Variants in PACSIN2 observed in about 807,000 individuals in gnomAD.
PACSIN2 encodes protein kinase C and casein kinase substrate in neurons 2.
In PACSIN2, 25 loss-of-function variants were observed where a neutral mutation model predicts 63.8. The observed-to-expected ratio is 0.39, with a 90% CI of 0.29 to 0.55. The LOEUF is 0.55. Among genes scored for constraint, PACSIN2 ranks in the 20% least tolerant of loss-of-function variants. The pLI is 0.62. For synonymous variants in PACSIN2, 255 were observed against 256.2 expected (o/e 1.00, Z 0.05); for missense variants, 518 against 646.9 (o/e 0.80, Z 2.16).
chr22:42,966,457 A>T lies in PACSIN2; in HGVS notation c.-78+48564T>A, dbSNP rs535796685. Among the ~76,000 whole-genome samples the T allele has an allele frequency of 3.3e-5, 5 of 152,360 alleles. No homozygotes were observed. The South Asian group carries it at 1.0e-3, about 32-fold the overall frequency. On this transcript the variant is annotated intron_variant, in intron 1 of 10. Coordinates refer to ENST00000263246, the MANE Select transcript of PACSIN2 (RefSeq NM_001184970.3). ...AATGTCTAACATTCTCTATCAAAGA[A>T]GAAGGTCCCAGGACAAAGCAAAGCT... is the stretch of plus-strand genomic sequence containing the variant.
chr22:42,927,463 G>A (rs562285698), intron 1 of PACSIN2, among the ~76,000 whole-genome samples: 3 of 152,260 alleles, frequency 2.0e-5, no homozygotes, highest in East Asian at 1.9e-4. Flanking sequence ...TGGCCAGGCT[G>A]GTCTCAAACT....
chr22:43,013,535 C>A (rs1259922459), intron 1 of PACSIN2, among the ~76,000 whole-genome samples: 1 of 152,202 alleles, frequency 6.6e-6, no homozygotes, highest in Admixed American at 6.5e-5. Flanking sequence ...TGCAGGCAGG[C>A]TCATGAATCA....
intron 8 of PACSIN2, 50 bp from the exon 9 acceptor site, chr22:42,877,060 G>A (rs1202277916): frequency 1.2e-6 from 2 of 1,604,838 alleles, no homozygotes; most frequent in Non-Finnish European, 1.7e-6. Context: ...AGGGGCCCGT[G>A]AGGGTCCTGG....
At chr22:42,989,906 G>GTA (rs1922909517) in intron 1 of PACSIN2, among the ~76,000 whole-genome samples, 1 of 146,582 alleles carries the variant, frequency 6.8e-6, no homozygotes, top group South Asian at 2.1e-4. Context: ...ACACATATAT[G>GTA]TATATATATG....
chr22:42,913,471 C>T (rs1168197229), intron 1 of PACSIN2, among the ~76,000 whole-genome samples: 1 of 109,588 alleles, frequency 9.1e-6, no homozygotes, highest in Non-Finnish European at 1.7e-5. Context: ...AAGAGCGAAA[C>T]TCCGTCTCCA....
At chr22:42,884,697 C>T (rs888054568) in intron 5 of PACSIN2, 136 bp from the exon 6 acceptor site, 43 of 649,278 alleles carry the variant, frequency 6.6e-5, no homozygotes, top group Non-Finnish European at 1.0e-4. Flanking sequence ...TGACAGACTT[C>T]AAGTTCAAGT....
intron 1 of PACSIN2, among the ~76,000 whole-genome samples, chr22:42,997,709 G>C (rs974091198): frequency 6.6e-6 from 1 of 151,512 alleles, no homozygotes; most frequent in Non-Finnish European, 1.5e-5. Context: ...CCAAATACAG[G>C]TCAACAAAAA....
chr22:42,874,149 T>TA (rs1277165725), intron 10 of PACSIN2, among the ~76,000 whole-genome samples: 4 of 151,874 alleles, frequency 2.6e-5, no homozygotes, highest in African/African-American at 7.3e-5. Context: ...GCAAATGCAT[T>TA]AAAAAAGATT....
chr22:42,990,053 C>T (rs5751409), intron 1 of PACSIN2, among the ~76,000 whole-genome samples: 9 of 24,922 alleles, frequency 3.6e-4, no homozygotes, highest in African/African-American at 1.3e-3. Flanking sequence ...TATATATATA[C>T]ACACACATAT....
rs115626436 is a variant in PACSIN2 at position 42,929,902 on chromosome 22, G to A, written c.-77-17745C>T. Among the ~76,000 whole-genome samples, 1,455 of 152,212 alleles carry A rather than the reference G, an allele frequency of 9.6e-3. 25 individuals carry two copies. Among genetic ancestry groups the A allele is most frequent in the African/African-American group, 0.033 (1,366 of 41,506 alleles). On this transcript the variant is annotated intron_variant, in intron 1 of 10. Coordinates refer to ENST00000263246, the MANE Select transcript of PACSIN2 (RefSeq NM_001184970.3). The stretch of plus-strand genomic sequence containing the variant: ...TCCTTTATTCCCAAATGTCAGCTCT[G>A]CTGCCTGGCCTGCCTGCCTGTGTTC...
chr22:42,911,977 T>C (rs1931489622), intron 2 of PACSIN2, 44 bp downstream of exon 2: 4 of 1,455,808 alleles, frequency 2.7e-6, no homozygotes, highest in African/African-American at 1.4e-5. Context: ...CCAGACACTA[T>C]TGGCCTGGCC....
intron 5 of PACSIN2, among the ~76,000 whole-genome samples, chr22:42,885,837 C>T (rs1290185463): frequency 6.6e-6 from 1 of 151,980 alleles, no homozygotes; most frequent in Admixed American, 6.5e-5. Flanking sequence ...CAGGAAAAGG[C>T]CACCCCTGCC....
At chr22:42,986,692 G>C (rs753280751) in intron 1 of PACSIN2, among the ~76,000 whole-genome samples, 5 of 152,156 alleles carry the variant, frequency 3.3e-5, no homozygotes, top group Admixed American at 6.5e-5. Context: ...AGTGACCACT[G>C]AGAGGGGGCT....
intron 1 of PACSIN2, among the ~76,000 whole-genome samples, chr22:42,946,311 C>T (rs562568655): frequency 6.6e-6 from 1 of 152,310 alleles, no homozygotes; most frequent in South Asian, 2.1e-4. Context: ...AAGGACAAAG[C>T]TAATAAAGCC....
chr22:42,904,004 C>A (rs9611959), intron 2 of PACSIN2, among the ~76,000 whole-genome samples: 35,009 of 152,130 alleles, frequency 0.23, 5,085 homozygotes, highest in Non-Finnish European at 0.32. Flanking sequence ...CATAAAGACA[C>A]ACTGAGTTAC....
rs1273566192 is a variant in PACSIN2 at position 43,003,643 on chromosome 22, C to T, written c.-78+11378G>A. ...AAAACAAATATCTGCTCTAATATAC[C>T]TGAGCAAATGCTCTTATGTGATATC... On this transcript the variant is annotated intron_variant, in intron 1 of 10. Coordinates refer to ENST00000263246, the MANE Select transcript of PACSIN2 (RefSeq NM_001184970.3). Among the ~76,000 whole-genome samples, 8 of 152,308 alleles carry T rather than the reference C, an allele frequency of 5.3e-5. No homozygotes were observed. The East Asian group carries it at 1.5e-3, about 29-fold the overall frequency.
chr22:42,877,010 G>A lies in PACSIN2; in HGVS notation c.1029C>T (p.Ser343=). 1 of 1,614,094 alleles carries A rather than the reference G, an allele frequency of 6.2e-7. No individual in the cohort carries two copies. Among genetic ancestry groups the A allele is most frequent in the Non-Finnish European group, 8.5e-7 (1 of 1,179,970 alleles). Residue 343 remains serine (S), a splice_region_variant and synonymous_variant, in exon 9 of 11, where the codon AGC becomes AGT. Coordinates refer to ENST00000263246, the MANE Select transcript of PACSIN2 (RefSeq NM_001184970.3). ...CGGGGTTGCTCGGGACATTAAGGGTGCTATGGAGAGAGAGAGCTTTCAGGG... is the reference window on the plus strand; with the variant it reads ...CGGGGTTGCTCGGGACATTAAGGGTACTATGGAGAGAGAGAGCTTTCAGGG... ...GDQSLPSKPS[S]TLNVPSNPAQ... is the part of the protein sequence containing the mutation.
chr22:42,963,395 A>G (rs1920930166), intron 1 of PACSIN2, among the ~76,000 whole-genome samples: 1 of 152,228 alleles, frequency 6.6e-6, no homozygotes, highest in African/African-American at 2.4e-5. Context: ...CCCCCTGCAG[A>G]GGCGGCAAAC....
intron 1 of PACSIN2, among the ~76,000 whole-genome samples, chr22:42,937,514 T>G (rs889610173): frequency 6.6e-6 from 1 of 152,228 alleles, no homozygotes; most frequent in East Asian, 1.9e-4. Flanking sequence ...TCTGAGCCCC[T>G]GCCTAGATGT....
Sources: gnomAD v4.1 joint callset for allele counts (sites outside exome capture counted in the v4.1 genomes callset) on GRCh38, gnomAD v4.1.1 for gene constraint, MANE v1.5 for transcripts, NCBI Gene and HGNC (gene_info 2026-07-23, HGNC 2026-07-21) for gene names.